SORCS2: variants seen among roughly 807,000 people sequenced by gnomAD.
SORCS2 encodes sortilin related VPS10 domain containing receptor 2.
Under a neutral mutation model 141.6 loss-of-function variants are expected in SORCS2, and 100 were observed. The observed-to-expected ratio is 0.71, with a 90% CI of 0.60 to 0.83. The LOEUF (loss-of-function observed/expected upper bound fraction) is 0.83, where lower values mean the gene tolerates loss of function less well. Ranked by LOEUF, SORCS2 falls within the 40% of genes least tolerant of loss-of-function variation. SORCS2 has a pLI of 0.00. For synonymous variants in SORCS2, 789 were observed against 676.9 expected (o/e 1.17, Z -2.57); for missense variants, 1,646 against 1,560.2 (o/e 1.05, Z -0.93).
chr4:7,443,661 G>A (rs1478374451), intron 2 of SORCS2, among the ~76,000 whole-genome samples: 1 of 152,240 alleles, frequency 6.6e-6, no homozygotes, highest in African/African-American at 2.4e-5. Flanking sequence ...CAGAAACTTA[G>A]GTGTTGAGAC....
At chr4:7,658,326 AGTGGG>A (rs201740625) in intron 5 of SORCS2, among the ~76,000 whole-genome samples, 3,155 of 150,802 alleles carry the variant, frequency 0.021, 47 homozygotes, top group Non-Finnish European at 0.035. Context: ...TGACTGGGTG[AGTGGG>A]TGAATGAATG....
chr4:7,273,935 T>C (rs1169339175), intron 1 of SORCS2, among the ~76,000 whole-genome samples: 1 of 152,202 alleles, frequency 6.6e-6, no homozygotes, highest in Non-Finnish European at 1.5e-5. Context: ...GCTGGGGCTC[T>C]GACATGGAGA....
intron 2 of SORCS2, among the ~76,000 whole-genome samples, chr4:7,485,564 T>C (rs1210423640): frequency 2.0e-5 from 3 of 152,228 alleles, no homozygotes; most frequent in Non-Finnish European, 4.4e-5. Flanking sequence ...TTATTTGATA[T>C]CAACAACACA....
At chr4:7,267,079 G>A (rs1389923555) in intron 1 of SORCS2, among the ~76,000 whole-genome samples, 1 of 152,080 alleles carries the variant, frequency 6.6e-6, no homozygotes, top group Non-Finnish European at 1.5e-5. Flanking sequence ...CACAAAGCAC[G>A]AAATAGTTTC....
chr4:7,384,957 A>G (rs912811147), intron 1 of SORCS2, among the ~76,000 whole-genome samples: 1 of 152,182 alleles, frequency 6.6e-6, no homozygotes. Context: ...TCTTAGAGGG[A>G]AAGGCCTGTA....
chr4:7,629,733 C>G (rs1162260265), intron 3 of SORCS2, among the ~76,000 whole-genome samples: 1 of 152,034 alleles, frequency 6.6e-6, no homozygotes, highest in Non-Finnish European at 1.5e-5. Flanking sequence ...CAGATTTCCT[C>G]TCCGAGCCCA....
chr4:7,711,768 C>G (rs1560502819), intron 14 of SORCS2, among the ~76,000 whole-genome samples: 1 of 152,240 alleles, frequency 6.6e-6, no homozygotes, highest in South Asian at 2.1e-4. Flanking sequence ...TGTGCCTCGG[C>G]TTTCCATTCT....
chr4:7,471,148 G>A (rs185452848), intron 2 of SORCS2, among the ~76,000 whole-genome samples: 12 of 152,338 alleles, frequency 7.9e-5, no homozygotes, highest in East Asian at 1.9e-4. Context: ...GGACAGATGC[G>A]TTGGGAACAG....
intron 2 of SORCS2, among the ~76,000 whole-genome samples, chr4:7,398,878 T>C (rs1724388936): frequency 6.6e-6 from 1 of 152,210 alleles, no homozygotes; most frequent in Admixed American, 6.5e-5. Context: ...GTTACATGAC[T>C]GAGCCAGGGA....
Position 7,359,645 on chromosome 4 carries a change from T to C in SORCS2, c.481-36643T>C, listed in dbSNP as rs538892116. 8.5e-5 allele frequency among the ~76,000 whole-genome samples: 13 copies of C among 152,348 alleles called. No homozygotes were observed. In the East Asian group the frequency reaches 2.1e-3, roughly 25 times the overall value. On this transcript the variant is annotated intron_variant, in intron 1 of 26. Transcript: ENST00000507866. ...AGCTGGCAGCCAATGCATTCTGTCT[T>C]TGACCTTTGCCTGCTGCTGTTAGAG...
intron 1 of SORCS2, among the ~76,000 whole-genome samples, chr4:7,217,632 C>T (rs958324984): frequency 4.6e-5 from 7 of 151,996 alleles, no homozygotes; most frequent in East Asian, 1.9e-4. Context: ...CAGAGTGGTG[C>T]GGCCGCCACA....
At chr4:7,361,247 G>A (rs1721560272) in intron 1 of SORCS2, among the ~76,000 whole-genome samples, 1 of 152,226 alleles carries the variant, frequency 6.6e-6, no homozygotes, top group Admixed American at 6.5e-5. Context: ...GATTGTGTAT[G>A]AGACTCCTCG....
chr4:7,518,562 G>A (rs1733130487), intron 2 of SORCS2, among the ~76,000 whole-genome samples: 1 of 152,110 alleles, frequency 6.6e-6, no homozygotes, highest in African/African-American at 2.4e-5. Flanking sequence ...TAACACTCTG[G>A]GTTTTAGAGT....
At chr4:7,490,770 G>T (rs143096547) in intron 2 of SORCS2, among the ~76,000 whole-genome samples, 1 of 152,070 alleles carries the variant, frequency 6.6e-6, no homozygotes, top group African/African-American at 2.4e-5. Flanking sequence ...CCCTCTCTCC[G>T]GCTGGCTGGC....
At chr4:7,511,556 G>A (rs1459914550) in intron 2 of SORCS2, among the ~76,000 whole-genome samples, 2 of 152,086 alleles carry the variant, frequency 1.3e-5, no homozygotes, top group Admixed American at 6.5e-5. Flanking sequence ...AGGCCCAGGG[G>A]TTGAAGAGAG....
rs969069569 is a variant in SORCS2, at chr4:7,600,664, C to T, written c.649-37664C>T. ...CGATATACATATATATATACACACA[C>T]ACACACACACACACACACACACACA... On this transcript the variant is annotated intron_variant, in intron 3 of 26. Coordinates refer to ENST00000507866, the MANE Select transcript of SORCS2 (RefSeq NM_020777.3). 3.2e-3 allele frequency among the ~76,000 whole-genome samples: 445 copies of T among 139,096 alleles called. 3 individuals are homozygous for T. The highest frequency in any genetic ancestry group is 0.012 in the African/African-American group (387 of 32,724). The allele number at this position is 139,096 out of a possible 152,430, so 91.3% of individuals were successfully genotyped here.
At chr4:7,551,930 T>C (rs1713738803) in intron 3 of SORCS2, among the ~76,000 whole-genome samples, 1 of 152,212 alleles carries the variant, frequency 6.6e-6, no homozygotes, top group Admixed American at 6.5e-5. Flanking sequence ...ACATGGGTAA[T>C]TGTGTGTCGT....
chr4:7,654,342 A>C (rs1431733210), intron 5 of SORCS2, 135 bp downstream of exon 5: 1 of 848,276 alleles, frequency 1.2e-6, no homozygotes, highest in African/African-American at 1.7e-5. Context: ...CTGGGTCCCC[A>C]CCGTCCACTG....
At chr4:7,563,258 AT>A (rs1658807268) in intron 3 of SORCS2, among the ~76,000 whole-genome samples, 1 of 152,076 alleles carries the variant, frequency 6.6e-6, no homozygotes, top group Admixed American at 6.5e-5. Flanking sequence ...CAATGACTGC[AT>A]GCCACCACCG....
Sources: allele counts gnomAD v4.1 joint callset (sites outside exome capture counted in the v4.1 genomes callset), GRCh38; gene constraint gnomAD v4.1.1; transcripts MANE v1.5; gene names NCBI Gene and HGNC (gene_info 2026-07-23, HGNC 2026-07-21).